The following REDIC1 variants were observed in gnomAD, a reference collection of about 807,000 sequenced individuals.
The protein encoded by REDIC1 is regulator of DNA class I crossover intermediates 1.
At chr12:39,650,370 G>T in the REDIC1 span, 1 of 1,601,610 alleles carries the variant, frequency 6.2e-7, no homozygotes, top group East Asian at 2.2e-5. The surrounding 1 kb of genome is among the most constrained non-coding windows in gnomAD (Gnocchi z 4.3). Context: ...CAAAGATGCT[G>T]AAGGAAATAA....
the REDIC1 span, among the ~76,000 whole-genome samples, chr12:39,896,739 T>C: frequency 3.3e-5 from 5 of 152,032 alleles, no homozygotes; most frequent in Admixed American, 6.5e-5. Context: ...TAATAAAACA[T>C]CTTGCAGTTT....
chr12:39,680,948 A>G, the REDIC1 span, among the ~76,000 whole-genome samples: 1 of 152,188 alleles, frequency 6.6e-6, no homozygotes, highest in Non-Finnish European at 1.5e-5. Context: ...TATAAGTGGG[A>G]ACTAAGCTTT....
chr12:39,902,286 C>T, the REDIC1 span, among the ~76,000 whole-genome samples: 1 of 151,358 alleles, frequency 6.6e-6, no homozygotes, highest in Non-Finnish European at 1.5e-5. Flanking sequence ...CACATGTATA[C>T]ATATGTAACT....
chr12:39,677,742 C>G, the REDIC1 span, among the ~76,000 whole-genome samples: 1 of 152,118 alleles, frequency 6.6e-6, no homozygotes, highest in Non-Finnish European at 1.5e-5. Flanking sequence ...ATCAAGTACT[C>G]TCTCAGAACA....
chr12:39,867,215 G>A, the REDIC1 span, among the ~76,000 whole-genome samples: 4 of 152,072 alleles, frequency 2.6e-5, no homozygotes, highest in African/African-American at 7.2e-5. Context: ...CCATGCAACA[G>A]GTAAGATTTT....
the REDIC1 span, among the ~76,000 whole-genome samples, chr12:39,673,350 C>G: frequency 6.6e-6 from 1 of 152,136 alleles, no homozygotes; most frequent in Non-Finnish European, 1.5e-5. Flanking sequence ...CCTGTTATTT[C>G]ATTTTAGTCA....
At chr12:39,840,182 C>T in the REDIC1 span, among the ~76,000 whole-genome samples, 1 of 152,006 alleles carries the variant, frequency 6.6e-6, no homozygotes, top group Admixed American at 6.6e-5. Flanking sequence ...CAGGCACGTG[C>T]AACCATGCCT....
chr12:39,641,887 G>T, the REDIC1 span, among the ~76,000 whole-genome samples: 1 of 151,614 alleles, frequency 6.6e-6, no homozygotes, highest in Non-Finnish European at 1.5e-5. Flanking sequence ...TCATTTCTCA[G>T]TCATCTTGCT....
chr12:39,905,015 A>G, the REDIC1 span, among the ~76,000 whole-genome samples: 10 of 152,208 alleles, frequency 6.6e-5, no homozygotes, highest in Non-Finnish European at 1.5e-4. Context: ...TGCTAGAGCT[A>G]AAACTAGTTT....
chr12:39,753,312 C>T, the REDIC1 span, among the ~76,000 whole-genome samples: 10 of 151,514 alleles, frequency 6.6e-5, no homozygotes, highest in South Asian at 2.1e-4. Context: ...GTTAATGTCA[C>T]GGTTTTTGTT....
the REDIC1 span, chr12:39,871,651 T>C: frequency 8.5e-6 from 6 of 706,220 alleles, no homozygotes; most frequent in South Asian, 2.2e-4. Flanking sequence ...TTTTTTTTTC[T>C]TTTTTGGTCT....
At chr12:39,902,991 T>G in the REDIC1 span, among the ~76,000 whole-genome samples, 5 of 152,126 alleles carry the variant, frequency 3.3e-5, no homozygotes, top group Admixed American at 6.6e-5. Context: ...CTAATCTCCT[T>G]TCTTCAAGGT....
chr12:39,760,560 A>G, the REDIC1 span, among the ~76,000 whole-genome samples: 1 of 152,020 alleles, frequency 6.6e-6, no homozygotes, highest in East Asian at 1.9e-4. Flanking sequence ...ATGTGCTATC[A>G]CAGCATGTTG....
At chr12:39,719,467 A>G in the REDIC1 span, among the ~76,000 whole-genome samples, 1 of 152,154 alleles carries the variant, frequency 6.6e-6, no homozygotes, top group Non-Finnish European at 1.5e-5. Flanking sequence ...ACAAAAAATT[A>G]GTCAGACATG....
the REDIC1 span, among the ~76,000 whole-genome samples, chr12:39,855,697 T>G: frequency 6.6e-6 from 1 of 152,206 alleles, no homozygotes; most frequent in South Asian, 2.1e-4. Flanking sequence ...AGTACTATAT[T>G]CTTCGATTTC....
the REDIC1 span, among the ~76,000 whole-genome samples, chr12:39,747,054 C>A: frequency 6.6e-6 from 1 of 152,168 alleles, no homozygotes; most frequent in Non-Finnish European, 1.5e-5. Context: ...TCCTCACCAG[C>A]AATGGAACAA....
At chr12:39,830,298 GTGCTTCTC>G in the REDIC1 span, 1 of 1,553,866 alleles carries the variant, frequency 6.4e-7, no homozygotes, top group African/African-American at 1.4e-5. Context: ...TGGATTCCAT[GTGCTTCTC>G]TGCATTTTCC....
chr12:39,694,216 G>T, the REDIC1 span, among the ~76,000 whole-genome samples: 8 of 152,086 alleles, frequency 5.3e-5, no homozygotes, highest in Admixed American at 5.2e-4. Flanking sequence ...CTGAATAGAA[G>T]ACACCCACTG....
the REDIC1 span, chr12:39,829,404 T>TTTTTTTTTG: frequency 9.6e-6 from 1 of 103,976 alleles, no homozygotes; most frequent in Admixed American, 1.2e-4. Context: ...TTTTTTTTTT[T>TTTTTTTTTG]TTTTTTTTTT....
Sources: allele counts gnomAD v4.1 joint callset (sites outside exome capture counted in the v4.1 genomes callset), GRCh38; gene constraint gnomAD v4.1.1; non-coding constraint Gnocchi (gnomAD v3.1); transcripts MANE v1.5; gene names NCBI Gene and HGNC (gene_info 2026-07-23, HGNC 2026-07-21).